TUBG1: variants seen among roughly 807,000 people sequenced by gnomAD.
TUBG1 encodes the protein tubulin gamma-1 chain.
A neutral mutation model predicts 53.3 loss-of-function variants in TUBG1; 22 were observed. The observed-to-expected ratio is 0.41, with a 90% CI of 0.29 to 0.59. TUBG1 has a LOEUF of 0.59. Among genes scored for constraint, TUBG1 ranks in the 20% least tolerant of loss-of-function variants. TUBG1 has a pLI of 0.26. For missense variants in TUBG1, 217 were observed against 598.9 expected (o/e 0.36, Z 6.66); for synonymous variants, 198 against 236.7 (o/e 0.84, Z 1.50).
rs1128521 is a variant in TUBG1 at position 42,613,989 on chromosome 17, G to A, written c.834G>A (p.Thr278=). 1.1e-5 allele frequency: 18 copies of A among 1,614,004 alleles called. No homozygotes were observed. Among genetic ancestry groups the A allele is most frequent in the Middle Eastern group, 3.3e-4 (2 of 6,084 alleles). The part of the protein sequence containing the change: ...FLMTGYTPLT[T]DQSVASVRKT... ...TGACCGGCTACACCCCTCTCACTAC[G>A]GACCAGTCAGTAAGAGCAGCCTTCA... The change falls in exon 8 of 11, where the codon ACG becomes ACA. Residue 278 remains threonine (T), a synonymous_variant. Transcript: ENST00000251413.
chr17:42,610,926 A>C (rs2052026937), intron 3 of TUBG1: 1 of 255,360 alleles, frequency 3.9e-6, no homozygotes, highest in Non-Finnish European at 7.3e-6. Context: ...GCAAAAACAA[A>C]TTTCAATGAA....
Position 42,612,472 on chromosome 17 carries a change from C to T in TUBG1, c.445C>T (p.Leu149=), listed in dbSNP as rs781539990. ...CATTGCTGGGGGGACAGGCTCTGGA[C>T]TGGGTTCCTACCTCTTAGAACGGCT... The part of the protein sequence containing the change: ...HSIAGGTGSG[L]GSYLLERLND... Residue 149 remains leucine, a synonymous_variant, in exon 5 of 11, where the codon CTG becomes TTG. Transcript: ENST00000251413. 1 of 1,613,988 alleles carries T rather than the reference C, an allele frequency of 6.2e-7. No homozygotes were observed. The highest frequency in any genetic ancestry group is 1.1e-5 in the South Asian group (1 of 91,076).
chr17:42,610,489 A>G lies in TUBG1; in HGVS notation c.229A>G (p.Ile77Val). The G allele has an allele frequency of 6.2e-7, 1 of 1,613,774 alleles. No individual in the cohort carries two copies. The highest frequency in any genetic ancestry group is 8.5e-7 in the Non-Finnish European group (1 of 1,179,696). The change falls in exon 3 of 11, where the codon ATC becomes GTC. Residue 77 changes from isoleucine to valine, a missense_variant. Coordinates refer to ENST00000251413, the MANE Select transcript of TUBG1 (RefSeq NM_001070.5). ...CTTGGAACCCCGGGTGATCCACTCCATCCTCAACTCCCCCTATGCCAAGCT... is the reference window on the plus strand; with the variant it reads ...CTTGGAACCCCGGGTGATCCACTCCGTCCTCAACTCCCCCTATGCCAAGCT... ...LDLEPRVIHS[I>V]LNSPYAKLYN...
chr17:42,610,066 C>CCTAG (rs1381493594), intron 1 of TUBG1, 42 bp from the exon 2 acceptor site: 3 of 1,611,038 alleles, frequency 1.9e-6, no homozygotes, highest in Non-Finnish European at 2.5e-6. Context: ...CCTGCCCGGA[C>CCTAG]CTAGATATCT....
rs568415910 is a variant in TUBG1 at position 42,610,173 on chromosome 17, G to A, written c.115G>A (p.Glu39Lys). The A allele has an allele frequency of 3.1e-6, 5 of 1,614,282 alleles. No individual in the cohort carries two copies. Among genetic ancestry groups the A allele is most frequent in the Non-Finnish European group, 3.4e-6 (4 of 1,180,054 alleles). The change falls in exon 2 of 11, where the codon GAG (glutamate) becomes AAG (lysine). Residue 39 changes from glutamate (E) to lysine (K), a missense_variant. Around this residue, in one of 4 missense-constraint regions of TUBG1, gnomAD observed 57 missense variants for 169.3 expected, o/e 0.34. Coordinates refer to ENST00000251413, the MANE Select transcript of TUBG1 (RefSeq NM_001070.5). ...HGISPEGIVE[E>K]FATEGTDRKD... ...TATCAGCCCCGAGGGCATCGTGGAGGAGTTCGCCACCGAGGGCACTGACCG... is the reference window on the plus strand; with the variant it reads ...TATCAGCCCCGAGGGCATCGTGGAGAAGTTCGCCACCGAGGGCACTGACCG...
chr17:42,614,483 A>G lies in TUBG1; in HGVS notation c.997-13A>G, dbSNP rs759683800. On this transcript the variant is annotated splice_polypyrimidine_tract_variant and intron_variant, in intron 9 of 10. Transcript: ENST00000251413. This position sits in a 1 kb window ranked among gnomAD's most constrained non-coding sequence, Gnocchi z 5.1. ...AGGAGAGGCCACCTCCACTGCTCCT[A>G]TGCCCACCCCAGGTCCACAAGAGCT... 67 of 1,613,860 alleles carry G rather than the reference A, an allele frequency of 4.2e-5. No individual in the cohort carries two copies. The highest frequency in any genetic ancestry group is 5.0e-5 in the Non-Finnish European group (59 of 1,179,892).
chr17:42,609,791 G>C lies in TUBG1; in HGVS notation c.49+5G>C, dbSNP rs376599275. 3.9e-6 allele frequency: 6 copies of C among 1,551,338 alleles called. No homozygotes were observed. The highest frequency in any genetic ancestry group is 5.2e-6 in the Non-Finnish European group (6 of 1,146,842). ...TGGGCCAGTGCGGCAATCAGAGTGA[G>C]CGAAACTCCGGCCCCTCAGCTAGCC... On this transcript the variant is annotated splice_donor_5th_base_variant and intron_variant, in intron 1 of 10. Transcript: ENST00000251413.
rs1042009820 is a variant in TUBG1 at position 42,614,780 on chromosome 17, C to G, written c.1159-64C>G. On this transcript the variant is annotated intron_variant, in intron 10 of 10. Coordinates refer to ENST00000251413, the MANE Select transcript of TUBG1 (RefSeq NM_001070.5). The surrounding 1 kb of genome is among the most constrained non-coding windows in gnomAD (Gnocchi z 5.1). ...TGGGCATAGCCCAGCCTTGGTTCCC[C>G]AGCTTTCTGGGCCACGTTATTCTTT... The G allele has an allele frequency of 3.1e-6, 5 of 1,610,640 alleles. No homozygotes were observed. The highest frequency in any genetic ancestry group is 4.2e-6 in the Non-Finnish European group (5 of 1,177,898).
rs34704723 is a variant in TUBG1 at position 42,611,837 on chromosome 17, AAG to A, written c.331-230_331-229del. On this transcript the variant is annotated intron_variant, in intron 3 of 10. Transcript: ENST00000251413. The stretch of plus-strand genomic sequence containing the variant: ...CGCCACTGCACTCCAGCCTGGGAGA[AAG>A]AGAGAGACTCCATCGCAAAAAAAAA... Among the ~76,000 whole-genome samples the A allele has an allele frequency of 0.5, 76,391 of 151,760 alleles. 19,451 individuals carry two copies. The highest frequency in any genetic ancestry group is 0.64 in the South Asian group (3,096 of 4,806).
rs754944544 is a variant in TUBG1 at position 42,614,358 on chromosome 17, C to T, written c.942C>T (p.Asn314=). 4 of 1,613,830 alleles carry T rather than the reference C, an allele frequency of 2.5e-6. No homozygotes were observed. The South Asian group carries it at 3.3e-5, about 13-fold the overall frequency. Residue 314 remains asparagine, a synonymous_variant, in exon 9 of 11, where the codon AAC becomes AAT. Coordinates refer to ENST00000251413, the MANE Select transcript of TUBG1 (RefSeq NM_001070.5). This position sits in a 1 kb window ranked among gnomAD's most constrained non-coding sequence, Gnocchi z 5.1. ...MVSTGRDRQT[N]HCYIAILNII... ...CCACAGGCCGAGACCGCCAGACCAA[C>T]CACTGCTACATCGCCATCCTCAACA...
chr17:42,612,365 T>C lies in TUBG1; in HGVS notation c.400-62T>C. The C allele has an allele frequency of 4.5e-6, 7 of 1,557,078 alleles. No homozygotes were observed. The South Asian group carries it at 6.8e-5, about 15-fold the overall frequency. On this transcript the variant is annotated intron_variant, in intron 4 of 10. Coordinates refer to ENST00000251413, the MANE Select transcript of TUBG1 (RefSeq NM_001070.5). ...ATGGGAGTCCTAAAAAACTATGAGA[T>C]GGGTCTAGTTTGACATCCTGCCACT...
intron 6 of TUBG1, 78 bp from the exon 7 acceptor site, chr17:42,613,569 A>C: frequency 1.2e-6 from 2 of 1,606,550 alleles, no homozygotes; most frequent in Non-Finnish European, 1.7e-6. Flanking sequence ...AAGGAAATTA[A>C]GCTTCAGAGC....
In TUBG1 at chr17:42,612,071, A is replaced by G; in HGVS notation, c.331-4A>G. On this transcript the variant is annotated splice_region_variant and splice_polypyrimidine_tract_variant and intron_variant, in intron 3 of 10. Coordinates refer to ENST00000251413, the MANE Select transcript of TUBG1 (RefSeq NM_001070.5). ...CACTCTGACCCTCCCCTATGTCTGTACAGGGAGAAAAGATCCATGAGGACA... is the reference window on the plus strand; with the variant it reads ...CACTCTGACCCTCCCCTATGTCTGTGCAGGGAGAAAAGATCCATGAGGACA... The G allele has an allele frequency of 6.2e-7, 1 of 1,613,970 alleles. No individual in the cohort carries two copies. The highest frequency in any genetic ancestry group is 8.5e-7 in the Non-Finnish European group (1 of 1,179,898).
chr17:42,612,862 A>C, intron 5 of TUBG1, 85 bp from the exon 6 acceptor site: 1 of 1,559,912 alleles, frequency 6.4e-7, no homozygotes. Context: ...ATCAAGATTT[A>C]TCTGCTTCTG....
intron 7 of TUBG1, 25 bp from the exon 8 acceptor site, chr17:42,613,824 C>T: frequency 1.9e-6 from 3 of 1,614,136 alleles, no homozygotes; most frequent in Admixed American, 1.7e-5. Context: ...GGCTGAGGCC[C>T]ATAACATGGC....
Position 42,609,762 on chromosome 17 carries a change from C to T in TUBG1, c.25C>T (p.Gln9Ter), listed in dbSNP as rs1395243437. Residue 9 changes from glutamine to a stop codon, truncating the protein, a stop_gained, in exon 1 of 11, where the codon CAG (glutamine) becomes TAG (stop). Transcript: ENST00000251413. LOFTEE classifies it high-confidence loss of function. MPREIITL[Q>*]LGQCGNQIGF... ...GATGCCGAGGGAAATCATCACCCTACAGTTGGGCCAGTGCGGCAATCAGAG... is the reference window on the plus strand; with the variant it reads ...GATGCCGAGGGAAATCATCACCCTATAGTTGGGCCAGTGCGGCAATCAGAG... 1 of 1,551,554 alleles carries T rather than the reference C, an allele frequency of 6.4e-7. No individual in the cohort carries two copies.
rs1047850171 is a variant in TUBG1 at position 42,612,303 on chromosome 17, A to G, written c.400-124A>G. The G allele has an allele frequency of 3.8e-6, 5 of 1,315,206 alleles. No homozygotes were observed. The African/African-American group carries it at 5.8e-5, about 15-fold the overall frequency. The allele number at this position is 1,315,206 out of a possible 1,614,324, so 81.5% of individuals were successfully genotyped here. On this transcript the variant is annotated intron_variant, in intron 4 of 10. Coordinates refer to ENST00000251413, the MANE Select transcript of TUBG1 (RefSeq NM_001070.5). Reference sequence around the variant, plus strand: ...ACAAGGCAGTTGCCTAAGCTGTATAAGTGAGGGGACTGGATGGGAAGCAAG... The same window carrying G: ...ACAAGGCAGTTGCCTAAGCTGTATAGGTGAGGGGACTGGATGGGAAGCAAG...
At position 42,612,936 on chromosome 17, in the gene TUBG1, AC is replaced by A; in HGVS notation, c.480-6del. ...GTCTGTTGCCCTGATCCTTTCCCCA[AC>A]CCCCACCAGGTATCCTAAGAAGCTG... On this transcript the variant is annotated splice_polypyrimidine_tract_variant and intron_variant, in intron 5 of 10. Coordinates refer to ENST00000251413, the MANE Select transcript of TUBG1 (RefSeq NM_001070.5). 4.3e-6 allele frequency: 7 copies of A among 1,613,066 alleles called. No homozygotes were observed. The highest frequency in any genetic ancestry group is 1.1e-5 in the South Asian group (1 of 91,028).
intron 3 of TUBG1, among the ~76,000 whole-genome samples, chr17:42,611,529 G>A (rs1178374087): frequency 6.6e-6 from 1 of 152,164 alleles, no homozygotes. Context: ...GAGGCATAGA[G>A]CAATTAAATA....
Sources: gnomAD v4.1 joint callset for allele counts (sites outside exome capture counted in the v4.1 genomes callset) on GRCh38, gnomAD v4.1.1 for gene constraint, gnomAD v4.1.1 regional missense constraint, Gnocchi (gnomAD v3.1) non-coding constraint, MANE v1.5 for transcripts, NCBI Gene and HGNC (gene_info 2026-07-23, HGNC 2026-07-21) for gene names.